Variants in SAMD5 observed in about 807,000 individuals in gnomAD.
SAMD5 encodes sterile alpha motif domain containing 5, also known as sterile alpha motif domain-containing protein 5.
SAMD5 carries 13 observed loss-of-function variants against 11.3 expected under a neutral mutation model. The ratio of observed to expected loss-of-function variants is 1.15; its 90% CI spans 0.75 to 1.83. SAMD5 has a LOEUF of 1.83. Ranked by LOEUF, SAMD5 falls within the 40% of genes most tolerant of loss-of-function variation. SAMD5 has a pLI of 0.00. For synonymous variants in SAMD5, 129 were observed against 111.3 expected, an observed-to-expected ratio of 1.16 and a Z score of -1.00; for missense variants, 255 against 239.1, an observed-to-expected ratio of 1.07 and a Z score of -0.44.
intron 1 of SAMD5, among the ~76,000 whole-genome samples, chr6:147,561,344 C>T (rs1002633555): frequency 5.3e-5 from 8 of 152,196 alleles, no homozygotes; most frequent in East Asian, 1.9e-4. Context: ...CGTGCCACCA[C>T]GCCCAGCTAA....
At chr6:147,897,735 G>A in the SAMD5 span, among the ~76,000 whole-genome samples, 16 of 151,852 alleles carry the variant, frequency 1.1e-4, no homozygotes, top group South Asian at 2.5e-3. Context: ...ACTTGAGGTC[G>A]GGGGTTTGAG....
intron 1 of SAMD5, among the ~76,000 whole-genome samples, chr6:147,644,003 T>G (rs557598092): frequency 7.5e-4 from 114 of 151,892 alleles, no homozygotes; most frequent in African/African-American, 2.7e-3. Flanking sequence ...TAATGACAAG[T>G]AGGAAAATTG....
chr6:147,802,792 C>T, the SAMD5 span, among the ~76,000 whole-genome samples: 4 of 152,158 alleles, frequency 2.6e-5, no homozygotes, highest in African/African-American at 4.8e-5. Context: ...CAGATACAAG[C>T]GTATAGACCA....
At chr6:147,657,526 TA>T (rs1276544231) in intron 1 of SAMD5, among the ~76,000 whole-genome samples, 3 of 152,024 alleles carry the variant, frequency 2.0e-5, no homozygotes, top group Non-Finnish European at 2.9e-5. Context: ...GGCAATGAGG[TA>T]AAATGTTGAA....
chr6:147,869,519 C>T, the SAMD5 span, among the ~76,000 whole-genome samples: 12 of 152,246 alleles, frequency 7.9e-5, no homozygotes, highest in East Asian at 7.7e-4. Flanking sequence ...GTGGACAGGG[C>T]TTTGTGGCCA....
At chr6:147,741,343 G>A (rs1403515302), downstream of SAMD5, 1 of 152,040 alleles carries the variant, frequency 6.6e-6, no homozygotes, top group East Asian at 1.9e-4. Context: ...GTTGCCCTGG[G>A]GGGTCTTTGA....
At chr6:147,641,632 A>G (rs1199882684) in intron 1 of SAMD5, among the ~76,000 whole-genome samples, 2 of 151,578 alleles carry the variant, frequency 1.3e-5, no homozygotes, top group Non-Finnish European at 2.9e-5. Flanking sequence ...AAGTTTTCAA[A>G]ATGTCTGTAA....
the SAMD5 span, among the ~76,000 whole-genome samples, chr6:147,912,071 C>T: frequency 1.3e-5 from 2 of 152,146 alleles, no homozygotes; most frequent in Non-Finnish European, 2.9e-5. Flanking sequence ...CGTTACTTCT[C>T]ATAGATTCTG....
chr6:147,799,014 CTT>C, the SAMD5 span, among the ~76,000 whole-genome samples: 1 of 152,168 alleles, frequency 6.6e-6, no homozygotes, highest in South Asian at 2.1e-4. Context: ...GGTCTTGACT[CTT>C]TATCCAGTTT....
chr6:147,766,354 C>G, the SAMD5 span, among the ~76,000 whole-genome samples: 1 of 152,060 alleles, frequency 6.6e-6, no homozygotes, highest in East Asian at 1.9e-4. Flanking sequence ...CACCAAGCAC[C>G]TAGCCCAATG....
chr6:147,952,302 C>T, the SAMD5 span, among the ~76,000 whole-genome samples: 1 of 152,084 alleles, frequency 6.6e-6, no homozygotes, highest in Non-Finnish European at 1.5e-5. Context: ...AAAGAAATTA[C>T]CAACCTTCCC....
the SAMD5 span, among the ~76,000 whole-genome samples, chr6:147,937,162 A>G: frequency 6.6e-6 from 1 of 152,222 alleles, no homozygotes; most frequent in Non-Finnish European, 1.5e-5. Flanking sequence ...CTATCAGACA[A>G]AGAATAGTCA....
chr6:147,592,152 C>T (rs1789464355), intron 1 of SAMD5, among the ~76,000 whole-genome samples: 1 of 152,050 alleles, frequency 6.6e-6, no homozygotes, highest in Non-Finnish European at 1.5e-5. Flanking sequence ...CACACCCAGG[C>T]AATGTTTTTA....
chr6:147,647,286 C>T (rs1790419194), intron 1 of SAMD5, among the ~76,000 whole-genome samples: 1 of 152,056 alleles, frequency 6.6e-6, no homozygotes, highest in Non-Finnish European at 1.5e-5. Flanking sequence ...GAGGAAGAAA[C>T]ATTTAAAACA....
At chr6:147,632,445 A>C (rs1326407612) in intron 1 of SAMD5, among the ~76,000 whole-genome samples, 1 of 152,094 alleles carries the variant, frequency 6.6e-6, no homozygotes, top group African/African-American at 2.4e-5. Context: ...GGTAGTGGAG[A>C]GGGGCAGAAA....
chr6:147,645,136 A>T (rs73008146), intron 1 of SAMD5, among the ~76,000 whole-genome samples: 6,748 of 152,168 alleles, frequency 0.044, 172 homozygotes, highest in South Asian at 0.054. Flanking sequence ...GCTCCGTGGG[A>T]CTTCCAGGCT....
chr6:147,756,849 C>T, the SAMD5 span, among the ~76,000 whole-genome samples: 3 of 152,148 alleles, frequency 2.0e-5, no homozygotes, highest in Admixed American at 6.5e-5. Context: ...CGTGTAGCAA[C>T]ATAAACATCT....
At chr6:147,536,458 TAA>T (rs1195259745) in intron 1 of SAMD5, among the ~76,000 whole-genome samples, 4 of 152,188 alleles carry the variant, frequency 2.6e-5, no homozygotes. Flanking sequence ...TTTAAAGAAA[TAA>T]GTTTTTTTGA....
chr6:147,944,936 T>C, the SAMD5 span, among the ~76,000 whole-genome samples: 12 of 152,306 alleles, frequency 7.9e-5, no homozygotes, highest in South Asian at 2.5e-3. Context: ...CATCTTCACA[T>C]AGATTTCTCC....
Sources: gnomAD v4.1 joint callset for allele counts (sites outside exome capture counted in the v4.1 genomes callset) on GRCh38, gnomAD v4.1.1 for gene constraint, MANE v1.5 for transcripts, NCBI Gene and HGNC (gene_info 2026-07-23, HGNC 2026-07-21) for gene names.